Variants in DLG2 observed in about 807,000 individuals in gnomAD.
DLG2 encodes the protein disks large homolog 2.
A neutral mutation model predicts 132.5 loss-of-function variants in DLG2; 45 were observed. The observed-to-expected ratio is 0.34, with a 90% confidence interval of 0.27 to 0.44. DLG2 has a LOEUF of 0.44. DLG2 is among the 20% of genes least tolerant of loss of function. DLG2 has a pLI of 1.00. For missense variants in DLG2, 1,045 were observed against 1,196.9 expected (o/e 0.87, Z 1.87); for synonymous variants, 424 against 419.6 (o/e 1.01, Z -0.13).
At chr11:84,060,028 T>C (rs2096565840) in intron 10 of DLG2, among the ~76,000 whole-genome samples, 1 of 152,040 alleles carries the variant, frequency 6.6e-6, no homozygotes, top group South Asian at 2.1e-4. Context: ...AATAAACCTA[T>C]TAGGTTGGGC....
At chr11:85,144,268 A>G (rs1169216328) in intron 5 of DLG2, among the ~76,000 whole-genome samples, 1 of 150,834 alleles carries the variant, frequency 6.6e-6, no homozygotes, top group African/African-American at 2.4e-5. Flanking sequence ...CTTAGTTTAC[A>G]TTTGTACAGA....
intron 7 of DLG2, among the ~76,000 whole-genome samples, chr11:84,301,069 C>T (rs1178396002): frequency 7.2e-5 from 11 of 152,078 alleles, no homozygotes; most frequent in Admixed American, 7.2e-4. Flanking sequence ...AAATTCACAC[C>T]CTTTGACTCA....
intron 6 of DLG2, among the ~76,000 whole-genome samples, chr11:84,883,686 A>G (rs1391983772): frequency 1.3e-5 from 2 of 152,058 alleles, no homozygotes; most frequent in Admixed American, 6.6e-5. Flanking sequence ...TCACTTTTTA[A>G]CTTCCAAGAA....
chr11:84,273,526 C>A (rs991959237), intron 7 of DLG2, among the ~76,000 whole-genome samples: 1 of 152,062 alleles, frequency 6.6e-6, no homozygotes, highest in Non-Finnish European at 1.5e-5. Flanking sequence ...GCTCTCCTGT[C>A]TTCACACGGG....
intron 3 of DLG2, among the ~76,000 whole-genome samples, chr11:85,590,645 CTCTCTCTA>C (rs1229620347): frequency 2.0e-5 from 3 of 151,276 alleles, no homozygotes; most frequent in Non-Finnish European, 4.4e-5. Flanking sequence ...CTCTCTCTCT[CTCTCTCTA>C]TATATATATA....
At chr11:85,384,163 C>G (rs1181894567) in intron 3 of DLG2, among the ~76,000 whole-genome samples, 3 of 152,134 alleles carry the variant, frequency 2.0e-5, no homozygotes, top group Non-Finnish European at 2.9e-5. Flanking sequence ...CCAGGTACAT[C>G]AGTTCTAATC....
intron 11 of DLG2, among the ~76,000 whole-genome samples, chr11:84,033,146 A>G (rs2095755338): frequency 6.6e-6 from 1 of 152,178 alleles, no homozygotes; most frequent in Non-Finnish European, 1.5e-5. Context: ...TAAAAGTCTT[A>G]TTATTTAAGA....
intron 6 of DLG2, among the ~76,000 whole-genome samples, chr11:84,853,643 T>C (rs1006644818): frequency 6.6e-6 from 1 of 152,012 alleles, no homozygotes. Flanking sequence ...AGCAAGATAA[T>C]GCTTTCCTCT....
intron 7 of DLG2, among the ~76,000 whole-genome samples, chr11:84,349,115 C>T (rs1314829107): frequency 1.3e-5 from 2 of 152,178 alleles, no homozygotes; most frequent in Admixed American, 6.5e-5. Flanking sequence ...CCGGTTTTAA[C>T]TTTTTGACAA....
chr11:84,827,500 GATCA>G (rs1418572622), intron 6 of DLG2, among the ~76,000 whole-genome samples: 1 of 151,540 alleles, frequency 6.6e-6, no homozygotes, highest in East Asian at 2.0e-4. Flanking sequence ...AATATTGATT[GATCA>G]AAGTAGAATT....
intron 6 of DLG2, among the ~76,000 whole-genome samples, chr11:84,699,395 A>T (rs988784527): frequency 6.6e-6 from 1 of 151,588 alleles, no homozygotes; most frequent in Non-Finnish European, 1.5e-5. Flanking sequence ...AACTAATATT[A>T]ATAAAAGAAA....
intron 3 of DLG2, among the ~76,000 whole-genome samples, chr11:85,417,494 G>A (rs751760436): frequency 1.3e-5 from 2 of 152,090 alleles, no homozygotes; most frequent in Non-Finnish European, 2.9e-5. Flanking sequence ...TTTTTCTATT[G>A]GTTGGAATAG....
At chr11:85,253,297 T>A (rs1220473778) in intron 4 of DLG2, among the ~76,000 whole-genome samples, 1 of 152,212 alleles carries the variant, frequency 6.6e-6, no homozygotes, top group Non-Finnish European at 1.5e-5. Context: ...ACAAAATTTT[T>A]ATATAAGGCA....
rs77750673 is a variant in DLG2, at chr11:84,919,693, A to C, written c.357+191968T>G. 7.3e-3 allele frequency among the ~76,000 whole-genome samples: 1,113 copies of C among 152,276 alleles called. 13 individuals carry two copies. Among genetic ancestry groups the C allele is most frequent in the African/African-American group, 0.026 (1,070 of 41,560 alleles). On this transcript the variant is annotated intron_variant, in intron 6 of 27. Coordinates refer to ENST00000376104, the MANE Select transcript of DLG2 (RefSeq NM_001142699.3). ...GTTTGTAGTAGCAATGAAAAAAGGG[A>C]AATAGTGCGATGAGGAAGATAAAGT... is the stretch of plus-strand genomic sequence containing the variant.
chr11:85,451,951 T>C (rs753490184), intron 3 of DLG2, among the ~76,000 whole-genome samples: 1 of 152,192 alleles, frequency 6.6e-6, no homozygotes, highest in Non-Finnish European at 1.5e-5. Flanking sequence ...GGCTTTTGCA[T>C]GTTGAGTAGC....
At chr11:85,367,130 C>T (rs986267931) in intron 3 of DLG2, among the ~76,000 whole-genome samples, 27 of 152,074 alleles carry the variant, frequency 1.8e-4, no homozygotes, top group African/African-American at 6.0e-4. Context: ...TTTAGATCAA[C>T]GTTTTAAAAA....
At chr11:83,615,464 T>G (rs2060662611) in intron 19 of DLG2, among the ~76,000 whole-genome samples, 1 of 152,196 alleles carries the variant, frequency 6.6e-6, no homozygotes, top group South Asian at 2.1e-4. Context: ...CATATTGTGG[T>G]GGGCAGAATA....
intron 7 of DLG2, among the ~76,000 whole-genome samples, chr11:84,281,549 T>TCATTTAG (rs766883820): frequency 1.3e-4 from 19 of 151,604 alleles, no homozygotes; most frequent in African/African-American, 3.9e-4. Context: ...CATTAACTCA[T>TCATTTAG]CATTTAGCAT....
At chr11:85,573,215 TA>T (rs2077951812) in intron 3 of DLG2, among the ~76,000 whole-genome samples, 1 of 152,290 alleles carries the variant, frequency 6.6e-6, no homozygotes. Flanking sequence ...CATTATAAAT[TA>T]CCCAGTCTCA....
Sources: allele counts gnomAD v4.1 joint callset (sites outside exome capture counted in the v4.1 genomes callset), GRCh38; gene constraint gnomAD v4.1.1; transcripts MANE v1.5; gene names NCBI Gene and HGNC (gene_info 2026-07-23, HGNC 2026-07-21).